SYN3: variants seen among roughly 807,000 people sequenced by gnomAD.
The protein encoded by SYN3 is synapsin III, also known as synapsin-3.
Under a neutral mutation model 65.8 loss-of-function variants are expected in SYN3, and 35 were observed. The ratio of observed to expected loss-of-function variants is 0.53; its 90% CI spans 0.41 to 0.70. SYN3 has a LOEUF of 0.70. Among genes scored for constraint, SYN3 ranks in the 30% least tolerant of loss-of-function variants. SYN3 has a pLI of 0.00. For missense variants in SYN3, 680 were observed against 749.0 expected, an observed-to-expected ratio of 0.91 and a Z score of 1.08; for synonymous variants, 270 against 292.9, an observed-to-expected ratio of 0.92 and a Z score of 0.80.
intron 6 of SYN3, among the ~76,000 whole-genome samples, chr22:32,707,771 GC>G (rs1406902266): frequency 6.6e-6 from 1 of 152,154 alleles, no homozygotes; most frequent in Admixed American, 6.5e-5. Context: ...AATGCCTTAA[GC>G]CCTGGTGCCA....
At chr22:32,710,105 GTGTGTA>G (rs2060938804) in intron 6 of SYN3, among the ~76,000 whole-genome samples, 1 of 89,992 alleles carries the variant, frequency 1.1e-5, no homozygotes, top group Non-Finnish European at 2.2e-5. Flanking sequence ...ACACATGTGT[GTGTGTA>G]TGTGTGTGTG....
chr22:32,899,555 C>T (rs2049700857), intron 4 of SYN3, among the ~76,000 whole-genome samples: 2 of 152,158 alleles, frequency 1.3e-5, no homozygotes, highest in Non-Finnish European at 2.9e-5. Flanking sequence ...CACCAGTGGC[C>T]TCTATATGGC....
chr22:32,840,262 T>C (rs1017416406), intron 6 of SYN3, among the ~76,000 whole-genome samples: 24 of 152,310 alleles, frequency 1.6e-4, no homozygotes, highest in African/African-American at 4.6e-4. Flanking sequence ...AAACCAAGAT[T>C]AATATTTTTA....
At position 33,032,211 on chromosome 22, in the gene SYN3, A is replaced by T. The variant is rs1216346746; in HGVS notation, c.-162-25387T>A. 1.3e-4 allele frequency among the ~76,000 whole-genome samples: 12 copies of T among 89,474 alleles called. No homozygotes were observed. The South Asian group carries it at 3.9e-3, about 29-fold the overall frequency. 58.7% of individuals were successfully genotyped at this position (89,474 alleles called of 152,430 possible). A position where few individuals can be genotyped will look rare whatever the true frequency, so the allele number is the denominator to read the frequency against. On this transcript the variant is annotated intron_variant, in intron 1 of 13. Coordinates refer to ENST00000358763, the MANE Select transcript of SYN3 (RefSeq NM_003490.4). ...GGTGACAGAGCAAGGCTCTGTCTTT[A>T]AAAAAAAAAAAAAATGCTGGGCATG... is the stretch of plus-strand genomic sequence containing the variant.
At chr22:32,613,226 G>A (rs5754171) in intron 6 of SYN3, among the ~76,000 whole-genome samples, 1 of 151,432 alleles carries the variant, frequency 6.6e-6, no homozygotes, top group Non-Finnish European at 1.5e-5. Flanking sequence ...TTTAAATAAA[G>A]TACCCAGTCT....
At chr22:32,635,026 G>A (rs2059795736) in intron 6 of SYN3, 1 of 151,990 alleles carries the variant, frequency 6.6e-6, no homozygotes, top group Non-Finnish European at 1.5e-5. Context: ...GTAGCCCAGG[G>A]AAGCCAAAAG....
intron 12 of SYN3, among the ~76,000 whole-genome samples, chr22:32,524,162 G>C (rs1032855528): frequency 2.6e-5 from 4 of 152,256 alleles, no homozygotes; most frequent in African/African-American, 9.6e-5. Flanking sequence ...TGACGAAGAA[G>C]CTGCAGCAAG....
intron 6 of SYN3, among the ~76,000 whole-genome samples, chr22:32,854,394 C>G (rs530686088): frequency 2.3e-4 from 35 of 152,172 alleles, no homozygotes; most frequent in African/African-American, 7.2e-4. Flanking sequence ...CAGACTGTAA[C>G]CAGGGGCTTC....
chr22:32,982,576 T>C (rs1287728867), intron 2 of SYN3, among the ~76,000 whole-genome samples: 1 of 152,262 alleles, frequency 6.6e-6, no homozygotes, highest in Non-Finnish European at 1.5e-5. Flanking sequence ...GTTTTCATAC[T>C]ATTTATTACA....
At chr22:32,988,307 AAAT>A (rs58058197) in intron 2 of SYN3, among the ~76,000 whole-genome samples, 11,471 of 142,496 alleles carry the variant, frequency 0.081, 1,052 homozygotes, top group African/African-American at 0.23. Context: ...CTCTGTCTCA[AAAT>A]AATAATAATA....
At chr22:33,000,740 C>A (rs1339004398) in intron 2 of SYN3, among the ~76,000 whole-genome samples, 2 of 152,206 alleles carry the variant, frequency 1.3e-5, no homozygotes, top group Non-Finnish European at 2.9e-5. Flanking sequence ...GAAGGGGGCC[C>A]TGTGAGCTGG....
At chr22:32,876,106 T>C (rs1224033684) in intron 4 of SYN3, among the ~76,000 whole-genome samples, 1 of 152,154 alleles carries the variant, frequency 6.6e-6, no homozygotes, top group Non-Finnish European at 1.5e-5. Context: ...CAGAAATTCA[T>C]TTCTCACATT....
At chr22:32,956,519 C>G (rs959596487) in intron 3 of SYN3, among the ~76,000 whole-genome samples, 1 of 152,216 alleles carries the variant, frequency 6.6e-6, no homozygotes, top group Non-Finnish European at 1.5e-5. Flanking sequence ...CTTCAGATTA[C>G]TGGAATCATA....
intron 7 of SYN3, among the ~76,000 whole-genome samples, chr22:32,554,662 G>A (rs562268293): frequency 6.6e-4 from 100 of 152,216 alleles, no homozygotes; most frequent in Non-Finnish European, 8.2e-4. Flanking sequence ...AGACTGTATG[G>A]TCCAACCCTA....
At chr22:32,667,197 A>G (rs8137260) in intron 6 of SYN3, among the ~76,000 whole-genome samples, 1 of 143,912 alleles carries the variant, frequency 6.9e-6, no homozygotes, top group African/African-American at 2.6e-5. Flanking sequence ...TCACTCGCTC[A>G]CTCCTTTCCT....
At position 32,509,559 on chromosome 22, in the gene SYN3, G is replaced by GTATTATTAT. The variant is rs10554196; in HGVS notation, c.*4124_*4132dup. On this transcript the variant is annotated 3_prime_UTR_variant, in exon 14 of 14. Coordinates refer to ENST00000358763, the MANE Select transcript of SYN3 (RefSeq NM_003490.4). ...GTTCATACACAGACCAATGGGGAAA[G>GTATTATTAT]TATTATTATTATTATTATTATTATT... 2.0e-5 allele frequency among the ~76,000 whole-genome samples: 3 copies of GTATTATTAT among 149,650 alleles called. No homozygotes were observed. The highest frequency in any genetic ancestry group is 4.4e-5 in the Non-Finnish European group (3 of 67,496).
chr22:32,895,596 T>C (rs1226126447), intron 4 of SYN3, among the ~76,000 whole-genome samples: 1 of 152,228 alleles, frequency 6.6e-6, no homozygotes, highest in African/African-American at 2.4e-5. Context: ...CCTAGACTCT[T>C]GCTATGTGAG....
intron 6 of SYN3, among the ~76,000 whole-genome samples, chr22:32,839,330 A>C (rs1601507630): frequency 1.3e-5 from 2 of 152,140 alleles, no homozygotes; most frequent in East Asian, 3.9e-4. Flanking sequence ...TTAGGGGAGA[A>C]GGACTGTGTT....
intron 6 of SYN3, among the ~76,000 whole-genome samples, chr22:32,634,769 G>A (rs935861550): frequency 1.8e-4 from 28 of 152,248 alleles, no homozygotes; most frequent in African/African-American, 6.3e-4. Context: ...TCAGTGCTCC[G>A]GAATCCCTTG....
Sources: allele counts gnomAD v4.1 joint callset (sites outside exome capture counted in the v4.1 genomes callset), GRCh38; gene constraint gnomAD v4.1.1; transcripts MANE v1.5; gene names NCBI Gene and HGNC (gene_info 2026-07-23, HGNC 2026-07-21).